The following FDFT1 variants were observed in gnomAD, a reference collection of about 807,000 sequenced individuals.
FDFT1 encodes squalene synthase.
A neutral mutation model predicts 46.8 loss-of-function variants in FDFT1; 68 were observed. That is an observed-to-expected ratio of 1.45 (90% CI 1.19 to 1.78). The LOEUF is 1.78. Among genes scored for constraint, FDFT1 ranks in the 40% most tolerant of loss-of-function variants. The pLI, the probability that FDFT1 is intolerant of heterozygous loss-of-function variation, is 0.00. For synonymous variants in FDFT1, 351 were observed against 185.1 expected (o/e 1.90, Z -7.28); for missense variants, 928 against 524.4 (o/e 1.77, Z -7.52).
chr8:11,818,606 C>CTAAT (rs1347923173), intron 3 of FDFT1, among the ~76,000 whole-genome samples: 1 of 152,042 alleles, frequency 6.6e-6, no homozygotes, highest in African/African-American at 2.4e-5. Context: ...ATCCCTTTAC[C>CTAAT]ATTATGTAGT....
chr8:11,828,112 C>A (rs1810265006), intron 5 of FDFT1, among the ~76,000 whole-genome samples: 1 of 151,552 alleles, frequency 6.6e-6, no homozygotes, highest in African/African-American at 2.4e-5. Context: ...TGATGTGAGA[C>A]TCCATTTAAA....
intron 1 of FDFT1, chr8:11,808,109 G>A: frequency 3.6e-6 from 1 of 280,806 alleles, no homozygotes. Context: ...TACTGAAGTT[G>A]GGGGATTCTG....
Position 11,820,474 on chromosome 8 carries a change from G to T in FDFT1, c.382-1276G>T, listed in dbSNP as rs1809073470. On this transcript the variant is annotated intron_variant, in intron 3 of 7. Transcript: ENST00000220584. ...CCCAGAGATGCAATCTAGAGAGGCA[G>T]TAGGCCTTGCTGAGCTGCGGTGGGC... Among the ~76,000 whole-genome samples, 3 of 139,576 alleles carry T rather than the reference G, an allele frequency of 2.1e-5. No homozygotes were observed. In the South Asian group the frequency reaches 7.0e-4, roughly 32 times the overall value. The allele number at this position is 139,576 out of a possible 152,430, so 91.6% of individuals were successfully genotyped here. A position where few individuals can be genotyped will look rare whatever the true frequency, so the allele number is the denominator to read the frequency against.
intron 3 of FDFT1, among the ~76,000 whole-genome samples, chr8:11,815,191 C>T (rs1168554948): frequency 6.6e-6 from 1 of 152,186 alleles, no homozygotes; most frequent in East Asian, 1.9e-4. Flanking sequence ...CTGCAAAGGA[C>T]ATGAACTCAT....
intron 3 of FDFT1, among the ~76,000 whole-genome samples, chr8:11,820,737 T>C (rs566176585): frequency 6.6e-6 from 1 of 152,200 alleles, no homozygotes; most frequent in Non-Finnish European, 1.5e-5. Context: ...GCACAGTATT[T>C]GGGCAGAGTA....
chr8:11,838,399 A>C lies in FDFT1; in HGVS notation c.1044A>C (p.Arg348Ser). The C allele has an allele frequency of 6.2e-7, 1 of 1,613,600 alleles. No homozygotes were observed. The highest frequency in any genetic ancestry group is 1.7e-5 in the Admixed American group (1 of 59,998). ...IYQYMEEIYH[R>S]IPDSDPSSSK... Reference sequence around the variant, plus strand: ...TGTGTCTTTAACAGATTTATCATAGAATCCCCGACTCAGACCCATCTTCTA... The same window carrying C: ...TGTGTCTTTAACAGATTTATCATAGCATCCCCGACTCAGACCCATCTTCTA... Residue 348 changes from arginine (R) to serine (S), a missense_variant, in exon 8 of 8, where the codon AGA becomes AGC. By Grantham distance (110) the Arg-to-Ser change is moderately radical (BLOSUM62 -1). Coordinates refer to ENST00000220584, the MANE Select transcript of FDFT1 (RefSeq NM_004462.5).
At chr8:11,823,859 T>A (rs924457236) in intron 4 of FDFT1, among the ~76,000 whole-genome samples, 5 of 152,060 alleles carry the variant, frequency 3.3e-5, no homozygotes, top group African/African-American at 1.2e-4. Flanking sequence ...TCCTCTCACC[T>A]CAGCCTCCCC....
chr8:11,829,556 G>C (rs984794448), intron 5 of FDFT1, among the ~76,000 whole-genome samples: 2 of 152,192 alleles, frequency 1.3e-5, no homozygotes, highest in African/African-American at 2.4e-5. Flanking sequence ...TTACTGTTTA[G>C]TCTGCAGTAC....
intron 5 of FDFT1, among the ~76,000 whole-genome samples, chr8:11,826,799 A>AGT (rs371701141): frequency 9.2e-5 from 14 of 152,194 alleles, no homozygotes; most frequent in Admixed American, 2.6e-4. Context: ...TGGGCGACAG[A>AGT]GTGAGACTCC....
intron 6 of FDFT1, among the ~76,000 whole-genome samples, 199 bp downstream of exon 6, chr8:11,830,619 C>G (rs867323246): frequency 2.6e-5 from 4 of 152,322 alleles, no homozygotes; most frequent in Middle Eastern, 3.4e-3. Context: ...TAAGCCTGCT[C>G]CTTTTCAGAA....
At position 11,819,688 on chromosome 8, in the gene FDFT1, G is replaced by T. The variant is rs544743012; in HGVS notation, c.382-2062G>T. Among the ~76,000 whole-genome samples the T allele has an allele frequency of 9.2e-5, 14 of 152,032 alleles. No individual in the cohort carries two copies. The South Asian group carries it at 2.9e-3, about 32-fold the overall frequency. On this transcript the variant is annotated intron_variant, in intron 3 of 7. Transcript: ENST00000220584. The stretch of plus-strand genomic sequence containing the variant: ...TGAAATTCTTGTACTTTGGTTTTCA[G>T]CTCCATCAGGTCATTTAAGCTCTTC...
At chr8:11,799,860 C>G (rs941384858), upstream of FDFT1, among the ~76,000 whole-genome samples, 1 of 150,916 alleles carries the variant, frequency 6.6e-6, no homozygotes, top group African/African-American at 2.4e-5. Context: ...GCAGGAGACT[C>G]ACTTGAACCT....
chr8:11,827,472 C>T (rs1183898371), intron 5 of FDFT1, among the ~76,000 whole-genome samples: 1 of 151,348 alleles, frequency 6.6e-6, no homozygotes, highest in African/African-American at 2.4e-5. Flanking sequence ...GAGTTGTAAT[C>T]ACACCACTGC....
At chr8:11,797,235 T>G (rs1805648055) in intron 1 of FDFT1, among the ~76,000 whole-genome samples, 1 of 152,210 alleles carries the variant, frequency 6.6e-6, no homozygotes, top group South Asian at 2.1e-4. Flanking sequence ...TCTCGCCTTC[T>G]ATCTCATTTT....
chr8:11,824,692 C>G lies in FDFT1; in HGVS notation c.511-1332C>G, dbSNP rs559183342. On this transcript the variant is annotated intron_variant, in intron 4 of 7. Coordinates refer to ENST00000220584, the MANE Select transcript of FDFT1 (RefSeq NM_004462.5). ...GAAATGGAGATCATACTGCTATGTA[C>G]CTGATACAATGTTTGTGAGGATTGA... is the stretch of plus-strand genomic sequence containing the variant. Among the ~76,000 whole-genome samples, 8 of 152,258 alleles carry G rather than the reference C, an allele frequency of 5.3e-5. No homozygotes were observed. The East Asian group carries it at 9.6e-4, about 18-fold the overall frequency.
intron 3 of FDFT1, among the ~76,000 whole-genome samples, chr8:11,818,295 T>A (rs1374560078): frequency 6.6e-6 from 1 of 152,224 alleles, no homozygotes. Context: ...GTGGTCAATT[T>A]TAGAATAAGT....
At position 11,838,763 on chromosome 8, in the gene FDFT1, GAGA is replaced by G. The variant is rs1305284595; in HGVS notation, c.*159_*161del. The G allele has an allele frequency of 1.4e-5, 9 of 660,988 alleles. No homozygotes were observed. The highest frequency in any genetic ancestry group is 2.4e-5 in the Non-Finnish European group (9 of 376,976). The allele number at this position is 660,988 out of a possible 1,614,324, so 40.9% of individuals were successfully genotyped here. ...ACCTTTAGGAAAGTGAAATGCAGGTGAGAAGAACCTAAACATGAAAGGAAAGGG... is the reference window on the plus strand; with the variant it reads ...ACCTTTAGGAAAGTGAAATGCAGGTGAGAACCTAAACATGAAAGGAAAGGG... On this transcript the variant is annotated 3_prime_UTR_variant, in exon 8 of 8. Transcript: ENST00000220584.
At chr8:11,836,790 CT>C (rs1183302325) in intron 7 of FDFT1, among the ~76,000 whole-genome samples, 1 of 152,216 alleles carries the variant, frequency 6.6e-6, no homozygotes, top group Non-Finnish European at 1.5e-5. Context: ...AATCCCAGCC[CT>C]TTGGGAGGCC....
chr8:11,808,781 T>A lies in FDFT1; in HGVS notation c.100-13T>A. On this transcript the variant is annotated splice_polypyrimidine_tract_variant and intron_variant, in intron 1 of 7. Transcript: ENST00000220584. ...CGACGTCTCCCACCGCCGTGTGTGTTGTCTGCCCGCAGGACTCGCTCAGCA... is the reference window on the plus strand; with the variant it reads ...CGACGTCTCCCACCGCCGTGTGTGTAGTCTGCCCGCAGGACTCGCTCAGCA... The A allele has an allele frequency of 6.2e-7, 1 of 1,611,962 alleles. No homozygotes were observed. The highest frequency in any genetic ancestry group is 8.5e-7 in the Non-Finnish European group (1 of 1,179,390).
Sources: allele counts gnomAD v4.1 joint callset (sites outside exome capture counted in the v4.1 genomes callset), GRCh38; gene constraint gnomAD v4.1.1; transcripts MANE v1.5; gene names NCBI Gene and HGNC (gene_info 2026-07-23, HGNC 2026-07-21).